Variants in PIGZ observed in about 807,000 individuals in gnomAD.
The protein encoded by PIGZ is phosphatidylinositol glycan anchor biosynthesis class Z (Gwada blood group).
In PIGZ, 16 loss-of-function variants were observed where a neutral mutation model predicts 16.4. The observed-to-expected ratio is 0.97, with a 90% confidence interval of 0.66 to 1.48. PIGZ has a LOEUF of 1.48. PIGZ is among the 40% of genes most tolerant of loss of function. The pLI, the probability that PIGZ is intolerant of heterozygous loss-of-function variation, is 0.00. For synonymous variants in PIGZ, 409 were observed against 338.4 expected (o/e 1.21, Z -2.29); for missense variants, 770 against 739.2 (o/e 1.04, Z -0.48).
chr3:196,949,587 G>A (rs1017220240), intron 2 of PIGZ, among the ~76,000 whole-genome samples: 29 of 152,368 alleles, frequency 1.9e-4, no homozygotes, highest in Non-Finnish European at 2.5e-4. Flanking sequence ...TGTGAGCAGA[G>A]AGCCCGTGCT....
At chr3:196,950,087 G>A (rs1016536723) in intron 2 of PIGZ, among the ~76,000 whole-genome samples, 1 of 152,030 alleles carries the variant, frequency 6.6e-6, no homozygotes, top group Non-Finnish European at 1.5e-5. Flanking sequence ...TGGGGTTCAA[G>A]TGATTCTCCT....
In PIGZ at chr3:196,948,187, G is replaced by T. The variant is rs1717013461; in HGVS notation, c.710C>A (p.Pro237His). The T allele has an allele frequency of 6.2e-7, 1 of 1,614,108 alleles. No homozygotes were observed. Among genetic ancestry groups the T allele is most frequent in the South Asian group, 1.1e-5 (1 of 91,084 alleles). Residue 237 changes from proline to histidine, a missense_variant, in exon 3 of 3, where the codon CCC becomes CAC. Transcript: ENST00000412723. ...TCCACGAGTGCCCCAGAGGTAGAGG[G>T]GGACCACAGCAAAGGCCAGAAAGGT... Reference protein sequence around the residue: ...RPTFLAFAVVPLYLWGTRGAT... With the variant: ...RPTFLAFAVVHLYLWGTRGAT...
At chr3:196,959,057 A>G (rs2108912994) in intron 1 of PIGZ, among the ~76,000 whole-genome samples, 1 of 152,336 alleles carries the variant, frequency 6.6e-6, no homozygotes, top group African/African-American at 2.4e-5. Context: ...TGGGCTCCAG[A>G]AGAACGGATG....
chr3:196,967,099 C>G (rs1717960516), intron 1 of PIGZ, among the ~76,000 whole-genome samples: 1 of 151,392 alleles, frequency 6.6e-6, no homozygotes, highest in Non-Finnish European at 1.5e-5. Flanking sequence ...GCAGAAACCA[C>G]TGTGCTGGGC....
chr3:196,958,487 A>C (rs1254078137), intron 1 of PIGZ, among the ~76,000 whole-genome samples: 2 of 152,076 alleles, frequency 1.3e-5, no homozygotes, highest in Non-Finnish European at 2.9e-5. Context: ...AAAAATTAGC[A>C]GGGCGTGGTG....
At chr3:196,961,069 A>G (rs1717702283) in intron 1 of PIGZ, among the ~76,000 whole-genome samples, 1 of 152,244 alleles carries the variant, frequency 6.6e-6, no homozygotes, top group African/African-American at 2.4e-5. Context: ...CGAGTAAGGT[A>G]TAGGAGATGG....
chr3:196,957,539 CACCCA>C lies in PIGZ; in HGVS notation c.1-5513_1-5509del. On this transcript the variant is annotated intron_variant, in intron 1 of 2. Transcript: ENST00000412723. ...CTGGGATTACAGGCGCATGCCACCACACCCAGCTAATTTTGTATTTTTAGTAGAGA... is the reference window on the plus strand; with the variant it reads ...CTGGGATTACAGGCGCATGCCACCACGCTAATTTTGTATTTTTAGTAGAGA... Among the ~76,000 whole-genome samples the C allele has an allele frequency of 2.6e-5, 4 of 152,154 alleles. No individual in the cohort carries two copies. In the South Asian group the frequency reaches 8.3e-4, roughly 32 times the overall value.
In PIGZ at chr3:196,947,254, A is replaced by G. The variant is rs1240977515; in HGVS notation, c.1643T>C (p.Leu548Pro). 1 of 1,613,590 alleles carries G rather than the reference A, an allele frequency of 6.2e-7. No individual in the cohort carries two copies. ...FKNETLLFPH[L>P]TLEDPPALSS... The stretch of plus-strand genomic sequence containing the variant: ...CAGGGCTGGTGGATCCTCCAGGGTC[A>G]GATGGGGAAATAAAAGTGTTTCATT... The change falls in exon 3 of 3, where the codon CTG (leucine) becomes CCG (proline). Residue 548 changes from leucine to proline, a missense_variant. Transcript: ENST00000412723.
chr3:196,949,619 G>C (rs1033202083), intron 2 of PIGZ, among the ~76,000 whole-genome samples: 4 of 152,244 alleles, frequency 2.6e-5, no homozygotes, highest in African/African-American at 9.6e-5. Flanking sequence ...GGACAGAACT[G>C]TGAACTCACA....
intron 1 of PIGZ, among the ~76,000 whole-genome samples, chr3:196,958,081 C>CT (rs1330113272): frequency 6.6e-6 from 1 of 152,210 alleles, no homozygotes; most frequent in African/African-American, 2.4e-5. Context: ...GCATACCTCT[C>CT]TAAGTCCCTG....
chr3:196,949,013 T>C (rs1717137437), intron 2 of PIGZ, among the ~76,000 whole-genome samples: 4 of 19,248 alleles, frequency 2.1e-4, no homozygotes, highest in African/African-American at 9.1e-4. Context: ...TCTCTTTCCC[T>C]CCCCTCCCTT....
chr3:196,960,740 A>AAAGAAAGAAAG (rs1717686671), intron 1 of PIGZ, among the ~76,000 whole-genome samples: 1 of 149,782 alleles, frequency 6.7e-6, no homozygotes, highest in African/African-American at 2.5e-5. Flanking sequence ...AAAGAAAGAG[A>AAAGAAAGAAAG]AAGAAAGAAA....
In PIGZ at chr3:196,948,849, CCT is replaced by C. The variant is rs1470619270; in HGVS notation, c.212-166_212-165del. Among the ~76,000 whole-genome samples, 41 of 143,804 alleles carry C rather than the reference CCT, an allele frequency of 2.9e-4. 3 individuals carry two copies. Among genetic ancestry groups the C allele is most frequent in the African/African-American group, 1.1e-3 (39 of 36,852 alleles). 94.3% of individuals were successfully genotyped at this position (143,804 alleles called of 152,430 possible). A position where few individuals can be genotyped will look rare whatever the true frequency, so the allele number is the denominator to read the frequency against. On this transcript the variant is annotated intron_variant, in intron 2 of 2. Coordinates refer to ENST00000412723, the MANE Select transcript of PIGZ (RefSeq NM_025163.4). ...TCCTCCCTTCCCTCCCTCTCTCCCT[CCT>C]TCTTTCCCTTCCTTCCCTTCCTTCC...
In PIGZ at chr3:196,965,526, C is replaced by T. The variant is rs949969293; in HGVS notation, c.-1+3161G>A. ...TTGCCCAATTTAGTCCAGAATCCCA[C>T]GGGCTATCTCCCTCCTCCTTTGTCC... On this transcript the variant is annotated intron_variant, in intron 1 of 2. Coordinates refer to ENST00000412723, the MANE Select transcript of PIGZ (RefSeq NM_025163.4). This position sits in a 1 kb window ranked among gnomAD's most constrained non-coding sequence, Gnocchi z 4.2. 6.6e-6 allele frequency among the ~76,000 whole-genome samples: 1 copy of T among 152,170 alleles called. No homozygotes were observed. Among genetic ancestry groups the T allele is most frequent in the African/African-American group, 2.4e-5 (1 of 41,444 alleles).
intron 1 of PIGZ, among the ~76,000 whole-genome samples, chr3:196,958,732 T>G (rs924022810): frequency 6.6e-6 from 1 of 152,174 alleles, no homozygotes; most frequent in African/African-American, 2.4e-5. Context: ...TATTCTTATA[T>G]ATCTACACTT....
chr3:196,956,397 G>A (rs913470775), intron 1 of PIGZ, among the ~76,000 whole-genome samples: 4 of 152,180 alleles, frequency 2.6e-5, no homozygotes, highest in African/African-American at 7.2e-5. Flanking sequence ...AGAAGCAAGC[G>A]AATGAGACGC....
At position 196,948,463 on chromosome 3, in the gene PIGZ, T is replaced by TAC. The variant is rs771127903; in HGVS notation, c.432_433dup (p.Tyr145CysfsTer53). On this transcript the variant is annotated frameshift_variant, in exon 3 of 3. Coordinates refer to ENST00000412723, the MANE Select transcript of PIGZ (RefSeq NM_025163.4). LOFTEE classifies it low-confidence loss of function (END_TRUNC). ...CGCCCCCATCGGCGGGGCCAGGTGGTACACGGCCCCGTCCAGAGCAAAGGA... is the reference window on the plus strand; with the variant it reads ...CGCCCCCATCGGCGGGGCCAGGTGGTACACACGGCCCCGTCCAGAGCAAAGGA... The TAC allele has an allele frequency of 4.5e-5, 72 of 1,613,458 alleles. 1 individual carries two copies. In the East Asian group the frequency reaches 1.6e-3, roughly 35 times the overall value.
At chr3:196,951,355 A>G (rs549566258) in intron 2 of PIGZ, among the ~76,000 whole-genome samples, 18 of 152,202 alleles carry the variant, frequency 1.2e-4, no homozygotes, top group Non-Finnish European at 2.1e-4. Context: ...CCAGGCAACC[A>G]GCCTCATGAT....
chr3:196,961,364 C>T (rs541371012), intron 1 of PIGZ, among the ~76,000 whole-genome samples: 24 of 152,174 alleles, frequency 1.6e-4, no homozygotes, highest in Non-Finnish European at 2.9e-4. Context: ...TTGTAAGCAG[C>T]TAATTCCCTA....
Sources: allele counts gnomAD v4.1 joint callset (sites outside exome capture counted in the v4.1 genomes callset), GRCh38; gene constraint gnomAD v4.1.1; non-coding constraint Gnocchi (gnomAD v3.1); transcripts MANE v1.5; gene names NCBI Gene and HGNC (gene_info 2026-07-23, HGNC 2026-07-21).